The following GRIK2 variants were observed in gnomAD, a reference collection of about 807,000 sequenced individuals.
GRIK2 encodes the protein glutamate ionotropic receptor kainate type subunit 2.
GRIK2 carries 32 observed loss-of-function variants against 100.3 expected under a neutral mutation model. The observed-to-expected ratio is 0.32, with a 90% CI of 0.24 to 0.43. The LOEUF is 0.43. GRIK2 is among the 20% of genes least tolerant of loss of function. GRIK2 has a pLI of 1.00. For synonymous variants in GRIK2, 417 were observed against 389.4 expected (o/e 1.07, Z -0.83); for missense variants, 843 against 1,114.9 (o/e 0.76, Z 3.47).
chr6:101,659,355 G>A (rs1769433475), intron 4 of GRIK2, among the ~76,000 whole-genome samples: 2 of 152,096 alleles, frequency 1.3e-5, no homozygotes, highest in Admixed American at 6.6e-5. Flanking sequence ...GCCTCGTTCT[G>A]TTCCATTGGT....
At chr6:101,759,898 G>A (rs1191461389) in intron 7 of GRIK2, among the ~76,000 whole-genome samples, 2 of 129,926 alleles carry the variant, frequency 1.5e-5, no homozygotes, top group East Asian at 2.8e-4. Flanking sequence ...TTTTTGAGAC[G>A]GAGTCTCGCT....
intron 4 of GRIK2, among the ~76,000 whole-genome samples, chr6:101,665,901 A>T (rs1769995242): frequency 1.3e-5 from 2 of 152,124 alleles, no homozygotes; most frequent in African/African-American, 4.8e-5. Flanking sequence ...TGATTGAGGG[A>T]GGAGCAGCTT....
At chr6:101,761,518 G>C (rs1777666057) in intron 7 of GRIK2, among the ~76,000 whole-genome samples, 1 of 151,914 alleles carries the variant, frequency 6.6e-6, no homozygotes, top group South Asian at 2.1e-4. Flanking sequence ...ATCTCTGTTG[G>C]CTATATTTTT....
At chr6:101,969,710 A>G (rs1056630108) in intron 14 of GRIK2, among the ~76,000 whole-genome samples, 6 of 152,074 alleles carry the variant, frequency 3.9e-5, no homozygotes, top group African/African-American at 1.4e-4. Flanking sequence ...ATCTTTGTAG[A>G]TGAAATGTCA....
intron 10 of GRIK2, among the ~76,000 whole-genome samples, chr6:101,851,860 G>A (rs1784148818): frequency 1.3e-5 from 2 of 150,354 alleles, no homozygotes; most frequent in South Asian, 4.2e-4. Context: ...TTTGGAAATG[G>A]TCAGTAAGAA....
chr6:101,451,669 T>G (rs1770691745), intron 2 of GRIK2, among the ~76,000 whole-genome samples: 1 of 141,476 alleles, frequency 7.1e-6, no homozygotes, highest in East Asian at 2.2e-4. Flanking sequence ...TTACTAACTT[T>G]TCTGAGAGCC....
intron 2 of GRIK2, among the ~76,000 whole-genome samples, chr6:101,557,525 T>G (rs1776805555): frequency 6.6e-6 from 1 of 152,210 alleles, no homozygotes; most frequent in South Asian, 2.1e-4. Context: ...TGTGTTACAG[T>G]TTAATAAAGT....
At chr6:101,468,872 T>C (rs540105527) in intron 2 of GRIK2, among the ~76,000 whole-genome samples, 1 of 152,174 alleles carries the variant, frequency 6.6e-6, no homozygotes, top group Non-Finnish European at 1.5e-5. Context: ...TCCTTCCTTC[T>C]ACCTGCCCTC....
chr6:101,812,380 C>G (rs923427481), intron 9 of GRIK2, among the ~76,000 whole-genome samples: 7 of 151,612 alleles, frequency 4.6e-5, no homozygotes, highest in Admixed American at 6.6e-5. Context: ...TTTGTGAAGG[C>G]ACTTAGAGTT....
intron 14 of GRIK2, among the ~76,000 whole-genome samples, chr6:102,011,902 A>G (rs1471562869): frequency 6.6e-6 from 1 of 152,014 alleles, no homozygotes; most frequent in East Asian, 1.9e-4. Context: ...TATTTCTTTT[A>G]TGGATAATGC....
intron 14 of GRIK2, among the ~76,000 whole-genome samples, chr6:101,976,753 T>C (rs1230572409): frequency 1.3e-5 from 2 of 150,406 alleles, no homozygotes; most frequent in Non-Finnish European, 3.0e-5. Context: ...CATTAGAAAA[T>C]AGAGGAGGCA....
chr6:101,680,147 CAT>C (rs1771138595), intron 5 of GRIK2, among the ~76,000 whole-genome samples: 1 of 152,190 alleles, frequency 6.6e-6, no homozygotes, highest in Non-Finnish European at 1.5e-5. Context: ...CAATTACCCT[CAT>C]AGATTTCTTC....
chr6:101,652,302 G>A (rs890436898), intron 4 of GRIK2, among the ~76,000 whole-genome samples: 2 of 152,120 alleles, frequency 1.3e-5, no homozygotes, highest in African/African-American at 2.4e-5. Flanking sequence ...CTTACCATAA[G>A]AGGCCAGAGA....
chr6:101,881,265 T>C (rs889238073), intron 11 of GRIK2, among the ~76,000 whole-genome samples: 1 of 151,948 alleles, frequency 6.6e-6, no homozygotes, highest in Non-Finnish European at 1.5e-5. Context: ...ATAATAATTA[T>C]AGAATGTAAC....
chr6:101,824,333 T>C (rs573587096), intron 10 of GRIK2, among the ~76,000 whole-genome samples: 35 of 152,328 alleles, frequency 2.3e-4, no homozygotes, highest in African/African-American at 8.2e-4. Flanking sequence ...ATCATTCTTA[T>C]GTCTTTGCAT....
chr6:101,931,311 A>G (rs935700972), intron 14 of GRIK2, among the ~76,000 whole-genome samples: 1 of 152,154 alleles, frequency 6.6e-6, no homozygotes, highest in Admixed American at 6.6e-5. Context: ...TTTTCATTTA[A>G]CAGCCACACA....
intron 4 of GRIK2, among the ~76,000 whole-genome samples, chr6:101,671,187 A>G (rs1411808777): frequency 6.6e-6 from 1 of 152,200 alleles, no homozygotes. Context: ...CAATTCTTAG[A>G]CATTTTCGTT....
chr6:101,685,385 AT>A (rs773951395), intron 6 of GRIK2, among the ~76,000 whole-genome samples: 27 of 152,278 alleles, frequency 1.8e-4, no homozygotes, highest in Admixed American at 7.2e-4. Flanking sequence ...AACCAATGGC[AT>A]TAATCTTGCC....
At chr6:101,893,134 G>A (rs1787213104) in intron 12 of GRIK2, among the ~76,000 whole-genome samples, 1 of 150,962 alleles carries the variant, frequency 6.6e-6, no homozygotes, top group South Asian at 2.1e-4. Context: ...GCTTCCTTTA[G>A]CATTTTTATT....
Sources: gnomAD v4.1 joint callset for allele counts (sites outside exome capture counted in the v4.1 genomes callset) on GRCh38, gnomAD v4.1.1 for gene constraint, MANE v1.5 for transcripts, NCBI Gene and HGNC (gene_info 2026-07-23, HGNC 2026-07-21) for gene names.